CSMD1: variants seen among roughly 807,000 people sequenced by gnomAD.
CSMD1 encodes CUB and sushi domain-containing protein 1.
CSMD1 carries 213 observed loss-of-function variants against 417.5 expected under a neutral mutation model. The ratio of observed to expected loss-of-function variants is 0.51; its 90% confidence interval spans 0.46 to 0.57. The LOEUF (loss-of-function observed/expected upper bound fraction) is 0.57, where lower values mean the gene tolerates loss of function less well. Ranked by LOEUF, CSMD1 falls within the 20% of genes least tolerant of loss-of-function variation. CSMD1 has a pLI of 0.00. For missense variants in CSMD1, 6,923 were observed against 4,529.7 expected (o/e 1.53, Z -15.17); for synonymous variants, 2,862 against 1,736.8 (o/e 1.65, Z -16.11).
Position 2,977,578 on chromosome 8 carries a change from T to C in CSMD1, c.8566+1034A>G, listed in dbSNP as rs567205952. Among the ~76,000 whole-genome samples the C allele has an allele frequency of 2.6e-5, 4 of 152,338 alleles. No individual in the cohort carries two copies. In the East Asian group the frequency reaches 5.8e-4, roughly 22 times the overall value. On this transcript the variant is annotated intron_variant, in intron 55 of 69. Coordinates refer to ENST00000635120, the MANE Select transcript of CSMD1 (RefSeq NM_033225.6). Reference sequence around the variant, plus strand: ...AGTGAACATACACATGCATGTATCATGGGATCTAACTAAACAAAAGAGCTT... The same window carrying C: ...AGTGAACATACACATGCATGTATCACGGGATCTAACTAAACAAAAGAGCTT...
intron 3 of CSMD1, among the ~76,000 whole-genome samples, chr8:4,392,996 G>C (rs899616984): frequency 1.3e-5 from 2 of 152,070 alleles, no homozygotes; most frequent in East Asian, 1.9e-4. Context: ...AAAAAAGAGA[G>C]ATGGAGTGTC....
At chr8:4,479,368 A>C (rs2130115507) in intron 2 of CSMD1, among the ~76,000 whole-genome samples, 1 of 152,324 alleles carries the variant, frequency 6.6e-6, no homozygotes, top group Admixed American at 6.5e-5. Context: ...ATGTCCGGTT[A>C]CAAAATTGAT....
chr8:4,992,123 C>T (rs1811501719), intron 1 of CSMD1, among the ~76,000 whole-genome samples: 1 of 152,162 alleles, frequency 6.6e-6, no homozygotes, highest in South Asian at 2.1e-4. Context: ...CACGGGGCTG[C>T]CCCGCAGGGC....
intron 11 of CSMD1, among the ~76,000 whole-genome samples, chr8:3,477,307 G>C (rs1269634782): frequency 1.3e-5 from 2 of 152,186 alleles, no homozygotes; most frequent in African/African-American, 2.4e-5. Context: ...ATTTGACAAT[G>C]GAAACGTAAA....
intron 1 of CSMD1, among the ~76,000 whole-genome samples, chr8:4,897,339 T>C (rs1398226833): frequency 6.6e-6 from 1 of 152,038 alleles, no homozygotes; most frequent in African/African-American, 2.4e-5. Flanking sequence ...TGCCAATATA[T>C]ATTGTTTCTA....
chr8:4,326,398 C>G (rs76621828), intron 3 of CSMD1, among the ~76,000 whole-genome samples: 1,687 of 152,036 alleles, frequency 0.011, 23 homozygotes, highest in African/African-American at 0.039. Context: ...AGATTTTCAG[C>G]GCAGATAAAA....
chr8:4,297,463 C>G (rs888752178), intron 3 of CSMD1, among the ~76,000 whole-genome samples: 1 of 152,148 alleles, frequency 6.6e-6, no homozygotes, highest in Admixed American at 6.6e-5. Context: ...TGGGCGTCCG[C>G]AAGCTAATAC....
chr8:4,005,458 A>C (rs1014203468), intron 4 of CSMD1, among the ~76,000 whole-genome samples: 1 of 152,128 alleles, frequency 6.6e-6, no homozygotes, highest in East Asian at 1.9e-4. Flanking sequence ...CTGTCTCAAC[A>C]TGGTGGCCGA....
intron 10 of CSMD1, among the ~76,000 whole-genome samples, chr8:3,524,591 G>A (rs1236613692): frequency 7.3e-6 from 1 of 137,686 alleles, no homozygotes; most frequent in Non-Finnish European, 1.6e-5. Flanking sequence ...GCACACACAA[G>A]GACACACATC....
intron 5 of CSMD1, among the ~76,000 whole-genome samples, chr8:3,900,197 G>C (rs928146939): frequency 6.6e-6 from 1 of 152,100 alleles, no homozygotes; most frequent in Admixed American, 6.5e-5. Flanking sequence ...TAACAGTGCA[G>C]CTGGGTGACA....
At chr8:3,504,334 C>G (rs1169379436) in intron 10 of CSMD1, among the ~76,000 whole-genome samples, 1 of 152,140 alleles carries the variant, frequency 6.6e-6, no homozygotes, top group Non-Finnish European at 1.5e-5. Context: ...CAACGAGAGT[C>G]TTGAAAGAAT....
At chr8:3,597,513 CATG>C (rs1356800092) in intron 8 of CSMD1, among the ~76,000 whole-genome samples, 2 of 152,126 alleles carry the variant, frequency 1.3e-5, no homozygotes, top group Non-Finnish European at 2.9e-5. Flanking sequence ...TGAGATAAAA[CATG>C]AGCCACATGT....
chr8:4,314,023 A>T (rs144152362), intron 3 of CSMD1, among the ~76,000 whole-genome samples: 260 of 150,754 alleles, frequency 1.7e-3, no homozygotes, highest in African/African-American at 6.1e-3. Flanking sequence ...CAAAATAATA[A>T]TAATAATAAT....
At chr8:3,678,299 G>C (rs536467201) in intron 7 of CSMD1, among the ~76,000 whole-genome samples, 1 of 152,274 alleles carries the variant, frequency 6.6e-6, no homozygotes, top group African/African-American at 2.4e-5. Context: ...AAAATGATTA[G>C]ACGAATGGCT....
intron 5 of CSMD1, among the ~76,000 whole-genome samples, 163 bp from the exon 6 acceptor site, chr8:3,754,205 A>G (rs141383144): frequency 2.0e-5 from 3 of 152,286 alleles, no homozygotes; most frequent in Non-Finnish European, 4.4e-5. Flanking sequence ...GATCAAGATG[A>G]TTTTATCTTT....
At chr8:4,514,116 C>G (rs1014301603) in intron 2 of CSMD1, among the ~76,000 whole-genome samples, 7 of 152,084 alleles carry the variant, frequency 4.6e-5, no homozygotes, top group Admixed American at 6.6e-5. Flanking sequence ...GGCTGAAGTT[C>G]TAGATCAAGA....
chr8:3,822,903 G>A (rs1164512007), intron 5 of CSMD1, among the ~76,000 whole-genome samples: 1 of 152,108 alleles, frequency 6.6e-6, no homozygotes, highest in African/African-American at 2.4e-5. Context: ...GTAACTCACT[G>A]TGCAGAGCTA....
At chr8:4,114,777 G>A (rs991570114) in intron 3 of CSMD1, among the ~76,000 whole-genome samples, 1 of 152,184 alleles carries the variant, frequency 6.6e-6, no homozygotes, top group Non-Finnish European at 1.5e-5. Context: ...TAAGACTTCA[G>A]CAGAGGTACC....
chr8:3,428,205 G>A lies in CSMD1; in HGVS notation c.1562-18600C>T, dbSNP rs568657877. Among the ~76,000 whole-genome samples, 83 of 151,378 alleles carry A rather than the reference G, an allele frequency of 5.5e-4. 1 individual carries two copies. Among genetic ancestry groups the A allele is most frequent in the African/African-American group, 1.8e-3 (73 of 41,352 alleles). ...GACCTAAAAGTGATATGTGAGCTAC[G>A]TAGAATGAATTTCCTTGACTGTTAA... On this transcript the variant is annotated intron_variant, in intron 12 of 69. Transcript: ENST00000635120.
Sources: allele counts gnomAD v4.1 joint callset (sites outside exome capture counted in the v4.1 genomes callset), GRCh38; gene constraint gnomAD v4.1.1; transcripts MANE v1.5; gene names NCBI Gene and HGNC (gene_info 2026-07-23, HGNC 2026-07-21).